The following CHCHD3 variants were observed in gnomAD, a reference collection of about 807,000 sequenced individuals.
CHCHD3 encodes MICOS complex subunit MIC19.
In CHCHD3, 20 loss-of-function variants were observed where a neutral mutation model predicts 38.2. The ratio of observed to expected loss-of-function variants is 0.52; its 90% confidence interval spans 0.37 to 0.76. CHCHD3 has a LOEUF of 0.76. Among genes scored for constraint, CHCHD3 ranks in the 30% least tolerant of loss-of-function variants. CHCHD3 has a pLI of 0.00. For missense variants in CHCHD3, 245 were observed against 279.2 expected, an observed-to-expected ratio of 0.88 and a Z score of 0.87; for synonymous variants, 82 against 100.0, an observed-to-expected ratio of 0.82 and a Z score of 1.07.
intron 4 of CHCHD3, among the ~76,000 whole-genome samples, chr7:132,959,678 G>A (rs1021545140): frequency 4.7e-5 from 7 of 148,460 alleles, no homozygotes; most frequent in East Asian, 2.0e-4. Flanking sequence ...AGCCGAGATC[G>A]TGCCACTGTA....
intron 7 of CHCHD3, among the ~76,000 whole-genome samples, chr7:132,795,671 C>T (rs919902073): frequency 1.3e-5 from 2 of 152,184 alleles, no homozygotes; most frequent in Non-Finnish European, 2.9e-5. Context: ...AAGGTCAAAT[C>T]TATGGAGTTT....
At chr7:132,952,709 T>C (rs1379585172) in intron 4 of CHCHD3, among the ~76,000 whole-genome samples, 1 of 152,200 alleles carries the variant, frequency 6.6e-6, no homozygotes, top group Non-Finnish European at 1.5e-5. Context: ...GGCTCAAAAG[T>C]TTGTACTAAC....
At chr7:133,050,724 A>T (rs990352666) in intron 2 of CHCHD3, among the ~76,000 whole-genome samples, 1 of 152,148 alleles carries the variant, frequency 6.6e-6, no homozygotes, top group Non-Finnish European at 1.5e-5. Flanking sequence ...TAAAATCTTA[A>T]AAATATGCCA....
intron 5 of CHCHD3, among the ~76,000 whole-genome samples, chr7:132,862,160 T>C (rs1808511471): frequency 7.0e-6 from 1 of 142,698 alleles, no homozygotes; most frequent in Non-Finnish European, 1.5e-5. Context: ...AAGAAACGAA[T>C]GAAATAAGGC....
At position 132,886,951 on chromosome 7, in the gene CHCHD3, T is replaced by C. The variant is rs932096021; in HGVS notation, c.370-1206A>G. 49 of 1,290,576 alleles carry C rather than the reference T, an allele frequency of 3.8e-5. No homozygotes were observed. The African/African-American group carries it at 6.4e-4, about 17-fold the overall frequency. The allele number at this position is 1,290,576 out of a possible 1,614,324, so 79.9% of individuals were successfully genotyped here. On this transcript the variant is annotated intron_variant, in intron 4 of 7. Transcript: ENST00000262570. ...TTTAGGTGAACTACTTGCACATTTA[T>C]AGGTTATTGTTTTGCTACTTACTTT...
At chr7:132,913,037 G>T (rs1415583912) in intron 4 of CHCHD3, among the ~76,000 whole-genome samples, 1 of 152,174 alleles carries the variant, frequency 6.6e-6, no homozygotes, top group Non-Finnish European at 1.5e-5. Flanking sequence ...CACAACAAAT[G>T]ACACTGTCTA....
At chr7:132,851,449 G>T (rs1297041602) in intron 5 of CHCHD3, among the ~76,000 whole-genome samples, 3 of 152,032 alleles carry the variant, frequency 2.0e-5, no homozygotes, top group Non-Finnish European at 2.9e-5. Context: ...CCAATAAAAG[G>T]TCTCAAATCC....
intron 5 of CHCHD3, among the ~76,000 whole-genome samples, chr7:132,860,593 G>A (rs1468445620): frequency 6.6e-6 from 1 of 151,974 alleles, no homozygotes; most frequent in Non-Finnish European, 1.5e-5. Flanking sequence ...GGAAAAGCAT[G>A]GACGGTTTTC....
intron 5 of CHCHD3, among the ~76,000 whole-genome samples, chr7:132,840,816 T>C (rs984703818): frequency 4.6e-5 from 7 of 152,184 alleles, no homozygotes; most frequent in African/African-American, 1.7e-4. Context: ...ATAATACAAA[T>C]TAGTCAGTTC....
At chr7:132,851,330 T>G (rs1387015287) in intron 5 of CHCHD3, among the ~76,000 whole-genome samples, 1 of 152,220 alleles carries the variant, frequency 6.6e-6, no homozygotes, top group Non-Finnish European at 1.5e-5. Flanking sequence ...TAAATATTAC[T>G]GGGAAAGTGA....
At chr7:132,972,231 C>A (rs80284594) in intron 4 of CHCHD3, among the ~76,000 whole-genome samples, 2,464 of 152,206 alleles carry the variant, frequency 0.016, 67 homozygotes, top group African/African-American at 0.056. Flanking sequence ...CAGTGAAACA[C>A]AACCATTAAA....
chr7:133,055,035 T>C (rs1316871003), intron 2 of CHCHD3, among the ~76,000 whole-genome samples: 1 of 151,880 alleles, frequency 6.6e-6, no homozygotes, highest in Non-Finnish European at 1.5e-5. Context: ...GTTTTTAAAA[T>C]GTAGAGGGGC....
At chr7:132,837,255 T>TA (rs1045533655) in intron 6 of CHCHD3, among the ~76,000 whole-genome samples, 1 of 151,862 alleles carries the variant, frequency 6.6e-6, no homozygotes, top group Non-Finnish European at 1.5e-5. Flanking sequence ...GTTTACCACC[T>TA]AAAAAAAAGT....
chr7:133,059,355 T>TC (rs1414130030), intron 2 of CHCHD3, among the ~76,000 whole-genome samples: 1 of 152,048 alleles, frequency 6.6e-6, no homozygotes, highest in East Asian at 1.9e-4. Flanking sequence ...CACCTAAAAC[T>TC]CCTAGCCTAA....
At chr7:132,801,821 T>C (rs1232100712) in intron 6 of CHCHD3, among the ~76,000 whole-genome samples, 5 of 152,188 alleles carry the variant, frequency 3.3e-5, no homozygotes, top group African/African-American at 1.2e-4. Context: ...CTTTAAGACT[T>C]AACATTTTAA....
Position 133,035,175 on chromosome 7 carries a change from T to G in CHCHD3, c.170-10548A>C. 1 of 1,613,744 alleles carries G rather than the reference T, an allele frequency of 6.2e-7. No individual in the cohort carries two copies. The highest frequency in any genetic ancestry group is 8.5e-7 in the Non-Finnish European group (1 of 1,179,694). The stretch of plus-strand genomic sequence containing the variant: ...AGGGGCAGCCGCCTTTTTCTCCTCC[T>G]TCCGCTCAGCCTGGGGCTTCTGCTT... On this transcript the variant is annotated intron_variant, in intron 2 of 7. Coordinates refer to ENST00000262570, the MANE Select transcript of CHCHD3 (RefSeq NM_017812.4). The surrounding 1 kb of genome is among the most constrained non-coding windows in gnomAD (Gnocchi z 4.7).
intron 3 of CHCHD3, among the ~76,000 whole-genome samples, chr7:133,022,947 T>C (rs946139876): frequency 4.1e-5 from 6 of 146,560 alleles, no homozygotes; most frequent in Admixed American, 2.0e-4. Context: ...AAAAATCCTA[T>C]GTGAAATATA....
intron 5 of CHCHD3, among the ~76,000 whole-genome samples, chr7:132,850,518 C>A (rs572540569): frequency 6.6e-6 from 1 of 150,888 alleles, no homozygotes; most frequent in Non-Finnish European, 1.5e-5. Flanking sequence ...GACAGCCCTG[C>A]CACTACACAA....
At chr7:132,864,898 C>T (rs1808580884) in intron 5 of CHCHD3, among the ~76,000 whole-genome samples, 1 of 152,118 alleles carries the variant, frequency 6.6e-6, no homozygotes, top group Admixed American at 6.6e-5. Context: ...GCATAACATC[C>T]TTCCCAGAAT....
Sources: gnomAD v4.1 joint callset for allele counts (sites outside exome capture counted in the v4.1 genomes callset) on GRCh38, gnomAD v4.1.1 for gene constraint, Gnocchi (gnomAD v3.1) non-coding constraint, MANE v1.5 for transcripts, NCBI Gene and HGNC (gene_info 2026-07-23, HGNC 2026-07-21) for gene names.